LRRTM4: variants seen among roughly 807,000 people sequenced by gnomAD.
The protein encoded by LRRTM4 is leucine-rich repeat transmembrane neuronal protein 4.
LRRTM4 carries 25 observed loss-of-function variants against 47.6 expected under a neutral mutation model. The observed-to-expected ratio is 0.53, with a 90% CI of 0.38 to 0.73. The LOEUF (loss-of-function observed/expected upper bound fraction) is 0.73, where lower values mean the gene tolerates loss of function less well. Ranked by LOEUF, LRRTM4 falls within the 30% of genes least tolerant of loss-of-function variation. LRRTM4 has a pLI of 0.00. For synonymous variants in LRRTM4, 311 were observed against 269.5 expected, an observed-to-expected ratio of 1.15 and a Z score of -1.51; for missense variants, 638 against 713.4, an observed-to-expected ratio of 0.89 and a Z score of 1.20.
intron 3 of LRRTM4, among the ~76,000 whole-genome samples, chr2:76,786,955 C>T (rs1009872651): frequency 5.3e-5 from 8 of 151,974 alleles, no homozygotes; most frequent in African/African-American, 1.9e-4. Context: ...GTTTGTTAGG[C>T]ACAAAATTTA....
At chr2:77,163,831 A>G (rs1212859887) in intron 3 of LRRTM4, among the ~76,000 whole-genome samples, 2 of 152,210 alleles carry the variant, frequency 1.3e-5, no homozygotes, top group African/African-American at 4.8e-5. Context: ...GAAAGGAACA[A>G]TCAGTACCAG....
rs1164363681 is a variant in LRRTM4, at chr2:77,521,698, C to A, written c.-27G>T. The A allele has an allele frequency of 1.2e-6, 2 of 1,611,728 alleles. No homozygotes were observed. The highest frequency in any genetic ancestry group is 1.7e-6 in the Non-Finnish European group (2 of 1,178,992). Reference sequence around the variant, plus strand: ...CTTTGTCATCCAAAAACGTTTCCCCCCTCTCTCAGCTTTCTTCTTATTTGG... The same window carrying A: ...CTTTGTCATCCAAAAACGTTTCCCCACTCTCTCAGCTTTCTTCTTATTTGG... On this transcript the variant is annotated 5_prime_UTR_variant, in exon 2 of 4. Transcript: ENST00000409884.
chr2:77,120,646 T>TA (rs976887281), intron 3 of LRRTM4, among the ~76,000 whole-genome samples: 34 of 151,998 alleles, frequency 2.2e-4, no homozygotes, highest in African/African-American at 7.5e-4. Flanking sequence ...ATTTCTTTTG[T>TA]AACTCACTTT....
rs1251803110 is a variant in LRRTM4 at position 76,795,234 on chromosome 2, TTTTGTAC to T, written c.1552-46325_1552-46319del. 4.2e-5 allele frequency among the ~76,000 whole-genome samples: 6 copies of T among 143,594 alleles called. No homozygotes were observed. In the East Asian group the frequency reaches 1.4e-3, roughly 33 times the overall value. 94.2% of individuals were successfully genotyped at this position (143,594 alleles called of 152,430 possible). On this transcript the variant is annotated intron_variant, in intron 3 of 3. Transcript: ENST00000409884. The stretch of plus-strand genomic sequence containing the variant: ...AGAAATTAAATTAATGAAAAGTGTG[TTTTGTAC>T]TTTAAAAATCATTTTTAATTGACAA...
intron 3 of LRRTM4, among the ~76,000 whole-genome samples, chr2:76,916,404 AAAAG>A (rs1183763856): frequency 1.6e-5 from 2 of 126,240 alleles, no homozygotes; most frequent in African/African-American, 5.6e-5. Context: ...AAAAAAAAAA[AAAAG>A]AAAAGAAAAA....
At chr2:76,978,109 A>G (rs895737299) in intron 3 of LRRTM4, among the ~76,000 whole-genome samples, 12 of 151,990 alleles carry the variant, frequency 7.9e-5, no homozygotes, top group Non-Finnish European at 1.6e-4. Context: ...ATTCTGATGA[A>G]AAACATTTGC....
chr2:77,480,818 GTGTGGAGAGAGAGAGA>G lies in LRRTM4; in HGVS notation c.1551+37484_1551+37499del, dbSNP rs1357563025. On this transcript the variant is annotated intron_variant, in intron 3 of 3. Transcript: ENST00000409884. Reference sequence around the variant, plus strand: ...TGTGTGTGTGTGTGTGTGTGTGTGTGTGTGGAGAGAGAGAGAGAGAGAGAGAGAGAGAGAGAGAGAG... The same window carrying G: ...TGTGTGTGTGTGTGTGTGTGTGTGTGGAGAGAGAGAGAGAGAGAGAGAGAG... 4.6e-4 allele frequency among the ~76,000 whole-genome samples: 53 copies of G among 115,002 alleles called. 1 individual carries two copies. In the South Asian group the frequency reaches 0.016, roughly 34 times the overall value. 75.4% of individuals were successfully genotyped at this position (115,002 alleles called of 152,430 possible).
intron 3 of LRRTM4, among the ~76,000 whole-genome samples, chr2:77,071,161 A>C (rs2103827522): frequency 6.6e-6 from 1 of 152,316 alleles, no homozygotes; most frequent in African/African-American, 2.4e-5. Flanking sequence ...CCAAAAACAA[A>C]TCATCAAAAT....
chr2:76,881,081 G>T (rs1315377588), intron 3 of LRRTM4, among the ~76,000 whole-genome samples: 1 of 152,124 alleles, frequency 6.6e-6, no homozygotes, highest in Non-Finnish European at 1.5e-5. Context: ...ATTTCAAACA[G>T]CAAGAAAGAA....
chr2:76,998,767 CTGTT>C (rs1677299741), intron 3 of LRRTM4, among the ~76,000 whole-genome samples: 1 of 140,342 alleles, frequency 7.1e-6, no homozygotes, highest in Non-Finnish European at 1.5e-5. Context: ...TCTATATTTT[CTGTT>C]TTTTTTTTTT....
chr2:77,505,483 G>A (rs899561760), intron 3 of LRRTM4, among the ~76,000 whole-genome samples: 45 of 151,358 alleles, frequency 3.0e-4, no homozygotes, highest in African/African-American at 1.1e-3. Flanking sequence ...CAACGAAGTG[G>A]ACCAAAATAC....
At chr2:76,770,319 T>C (rs1034120070) in intron 3 of LRRTM4, among the ~76,000 whole-genome samples, 7 of 152,196 alleles carry the variant, frequency 4.6e-5, no homozygotes, top group African/African-American at 1.7e-4. Flanking sequence ...CATTTCTTAA[T>C]AACAGTAACT....
intron 3 of LRRTM4, among the ~76,000 whole-genome samples, chr2:76,899,059 C>T (rs1379550026): frequency 6.6e-6 from 1 of 151,868 alleles, no homozygotes; most frequent in African/African-American, 2.4e-5. Flanking sequence ...TGGTAAGCTA[C>T]ACAGTTGAAG....
chr2:76,907,225 A>C (rs868760953), intron 3 of LRRTM4, among the ~76,000 whole-genome samples: 4 of 152,072 alleles, frequency 2.6e-5, no homozygotes, highest in African/African-American at 7.2e-5. Flanking sequence ...AAACTGTACA[A>C]CCTGCTCCTG....
intron 3 of LRRTM4, among the ~76,000 whole-genome samples, chr2:77,400,844 C>T (rs1244371776): frequency 6.6e-6 from 1 of 151,832 alleles, no homozygotes; most frequent in Non-Finnish European, 1.5e-5. Flanking sequence ...CAACCCCTAT[C>T]TGTTGTTGTA....
intron 3 of LRRTM4, among the ~76,000 whole-genome samples, chr2:77,240,553 T>C (rs569617617): frequency 6.6e-6 from 1 of 152,058 alleles, no homozygotes; most frequent in South Asian, 2.1e-4. Flanking sequence ...TCTTATTTGA[T>C]ACCATACTTG....
chr2:76,858,919 CA>C (rs1013253327), intron 3 of LRRTM4, among the ~76,000 whole-genome samples: 2 of 152,142 alleles, frequency 1.3e-5, no homozygotes, highest in African/African-American at 4.8e-5. Context: ...GTACATTCAT[CA>C]AGAAAATATC....
chr2:77,328,240 G>A (rs1670851159), intron 3 of LRRTM4, among the ~76,000 whole-genome samples: 1 of 152,020 alleles, frequency 6.6e-6, no homozygotes, highest in Admixed American at 6.6e-5. Flanking sequence ...AAAGGTGTAG[G>A]TGAAGGTTGT....
intron 3 of LRRTM4, among the ~76,000 whole-genome samples, chr2:76,910,081 G>T (rs915976961): frequency 3.3e-5 from 5 of 152,182 alleles, no homozygotes; most frequent in Middle Eastern, 3.4e-3. Flanking sequence ...CAATAGCAAA[G>T]ACTTGGAACC....
Sources: gnomAD v4.1 joint callset for allele counts (sites outside exome capture counted in the v4.1 genomes callset) on GRCh38, gnomAD v4.1.1 for gene constraint, MANE v1.5 for transcripts, NCBI Gene and HGNC (gene_info 2026-07-23, HGNC 2026-07-21) for gene names.